TCF12: variants seen among roughly 807,000 people sequenced by gnomAD.
TCF12 encodes the protein DNA-binding protein HTF4.
A neutral mutation model predicts 86.0 loss-of-function variants in TCF12; 45 were observed. The observed-to-expected ratio is 0.52, with a 90% CI of 0.41 to 0.67. The LOEUF (loss-of-function observed/expected upper bound fraction) is 0.67. TCF12 is among the 30% of genes least tolerant of loss of function. TCF12 has a pLI of 0.00. For missense variants in TCF12, 881 were observed against 859.9 expected, an observed-to-expected ratio of 1.02 and a Z score of -0.31; for synonymous variants, 330 against 299.6, an observed-to-expected ratio of 1.10 and a Z score of -1.05.
chr15:57,248,199 T>C, intron 13 of TCF12: 1 of 651,500 alleles, frequency 1.5e-6, no homozygotes, highest in East Asian at 2.7e-5. Flanking sequence ...CTGGGCCTAA[T>C]GCAGTTGCTT....
chr15:57,260,320 T>C (rs1356628608), intron 16 of TCF12, among the ~76,000 whole-genome samples: 2 of 152,164 alleles, frequency 1.3e-5, no homozygotes, highest in East Asian at 3.8e-4. Context: ...TTTATACTGA[T>C]GAAGTAAAAG....
At chr15:57,264,482 T>TAA in intron 18 of TCF12, among the ~76,000 whole-genome samples, 1 of 151,442 alleles carries the variant, frequency 6.6e-6, no homozygotes, top group East Asian at 2.0e-4. Context: ...ATTACAGGCA[T>TAA]GAGCCACCGC....
At chr15:57,046,946 G>T (rs1041365905) in intron 3 of TCF12, among the ~76,000 whole-genome samples, 4 of 152,076 alleles carry the variant, frequency 2.6e-5, no homozygotes, top group African/African-American at 9.7e-5. Flanking sequence ...CCCCAATCTT[G>T]TTGATGATGT....
At chr15:57,196,209 T>C (rs1450227222) in intron 7 of TCF12, among the ~76,000 whole-genome samples, 1 of 152,088 alleles carries the variant, frequency 6.6e-6, no homozygotes, top group Admixed American at 6.5e-5. Context: ...GTACTGAACA[T>C]GCATAGACTT....
At chr15:57,257,215 T>C (rs181639740) in intron 16 of TCF12, among the ~76,000 whole-genome samples, 12 of 152,324 alleles carry the variant, frequency 7.9e-5, no homozygotes, top group Admixed American at 3.9e-4. Context: ...TAAGCAGATA[T>C]AATGGGGTTA....
chr15:57,055,307 C>A (rs766631245), intron 3 of TCF12, among the ~76,000 whole-genome samples: 39 of 152,162 alleles, frequency 2.6e-4, no homozygotes, highest in Non-Finnish European at 5.0e-4. Context: ...GAGGCTGAGG[C>A]AGGAGAATCG....
chr15:57,211,966 GCACACACACACACCACACACACA>G (rs1597351417), intron 8 of TCF12, among the ~76,000 whole-genome samples: 1 of 140,906 alleles, frequency 7.1e-6, no homozygotes, highest in Admixed American at 7.1e-5. Flanking sequence ...ACACACACAC[GCACACACACACACCACACACACA>G]CACACACACA....
intron 8 of TCF12, among the ~76,000 whole-genome samples, chr15:57,213,239 G>A (rs1204182799): frequency 6.6e-6 from 1 of 152,064 alleles, no homozygotes; most frequent in Non-Finnish European, 1.5e-5. Flanking sequence ...GTATTTTTTG[G>A]CTTTTGTTAA....
intron 19 of TCF12, among the ~76,000 whole-genome samples, chr15:57,275,056 G>A (rs1300824171): frequency 6.6e-6 from 1 of 152,136 alleles, no homozygotes; most frequent in East Asian, 1.9e-4. Context: ...CAGAAAATAT[G>A]AGTCTGAGAG....
chr15:57,099,595 G>A (rs1372548166), intron 5 of TCF12, among the ~76,000 whole-genome samples: 1 of 151,908 alleles, frequency 6.6e-6, no homozygotes, highest in Non-Finnish European at 1.5e-5. Flanking sequence ...AATTTATATG[G>A]TAATACTATA....
intron 5 of TCF12, among the ~76,000 whole-genome samples, chr15:57,153,997 TAAA>T (rs71441455): frequency 7.5e-6 from 1 of 132,810 alleles, no homozygotes; most frequent in African/African-American, 2.8e-5. Context: ...CCTGTGTCTT[TAAA>T]AAAAAAAAAA....
intron 8 of TCF12, among the ~76,000 whole-genome samples, chr15:57,199,960 C>T (rs1273013987): frequency 6.6e-6 from 1 of 151,706 alleles, no homozygotes; most frequent in African/African-American, 2.4e-5. Context: ...CTGCAAACTA[C>T]AGCCTTAACC....
chr15:57,181,057 G>A (rs1409473166), intron 6 of TCF12, among the ~76,000 whole-genome samples: 3 of 151,480 alleles, frequency 2.0e-5, no homozygotes, highest in Admixed American at 6.6e-5. Context: ...CTCGTGATCC[G>A]CCCGCCTCGG....
intron 6 of TCF12, among the ~76,000 whole-genome samples, chr15:57,177,689 CTTTT>C (rs1354637321): frequency 1.4e-5 from 2 of 146,974 alleles, no homozygotes; most frequent in Non-Finnish European, 3.0e-5. Flanking sequence ...TTCATTCTTT[CTTTT>C]ATTTTTATTT....
At chr15:56,970,856 C>A (rs1356783812) in intron 3 of TCF12, among the ~76,000 whole-genome samples, 3 of 151,582 alleles carry the variant, frequency 2.0e-5, no homozygotes, top group African/African-American at 7.3e-5. Flanking sequence ...TTGAGACCAG[C>A]CTGGGCAACA....
At chr15:56,952,336 T>C (rs2061315831) in intron 3 of TCF12, among the ~76,000 whole-genome samples, 1 of 151,948 alleles carries the variant, frequency 6.6e-6, no homozygotes, top group Non-Finnish European at 1.5e-5. Context: ...TCTTCCAGAT[T>C]TGTTTTTTTT....
chr15:57,127,979 A>G (rs1402719618), intron 5 of TCF12, among the ~76,000 whole-genome samples: 2 of 152,148 alleles, frequency 1.3e-5, no homozygotes, highest in African/African-American at 4.8e-5. Context: ...TTTAACAGTA[A>G]TGTTCTTTTT....
At chr15:57,068,646 A>G (rs1313551496) in intron 4 of TCF12, among the ~76,000 whole-genome samples, 1 of 152,224 alleles carries the variant, frequency 6.6e-6, no homozygotes, top group African/African-American at 2.4e-5. Flanking sequence ...AAATTCGGGA[A>G]CAATCATCAG....
intron 19 of TCF12, among the ~76,000 whole-genome samples, chr15:57,279,748 A>T (rs2061592780): frequency 6.6e-6 from 1 of 152,148 alleles, no homozygotes; most frequent in African/African-American, 2.4e-5. Context: ...TTTCCATTAT[A>T]AAGAGAAATG....
Sources: gnomAD v4.1 joint callset for allele counts (sites outside exome capture counted in the v4.1 genomes callset) on GRCh38, gnomAD v4.1.1 for gene constraint, MANE v1.5 for transcripts, NCBI Gene and HGNC (gene_info 2026-07-23, HGNC 2026-07-21) for gene names.